Variants in NPM2 observed in about 807,000 individuals in gnomAD.
NPM2 encodes nucleoplasmin-2.
NPM2 carries 25 observed loss-of-function variants against 32.0 expected under a neutral mutation model. The ratio of observed to expected loss-of-function variants is 0.78; its 90% CI spans 0.57 to 1.09. The LOEUF (loss-of-function observed/expected upper bound fraction) is 1.09. NPM2 is among the 50% of genes least tolerant of loss of function. The pLI is 0.00. For synonymous variants in NPM2, 111 were observed against 94.2 expected (o/e 1.18, Z -1.04); for missense variants, 282 against 259.9 (o/e 1.08, Z -0.58).
At position 22,025,358 on chromosome 8, in the gene NPM2, C is replaced by T. The variant is rs770967313; in HGVS notation, c.58+52C>T. The T allele has an allele frequency of 3.7e-6, 6 of 1,600,232 alleles. No homozygotes were observed. The East Asian group carries it at 1.3e-4, about 36-fold the overall frequency. ...AGAGACACGCCCCACCTCCGGTGCGCGGCAGCTTGGGGCGCAGGTGAGCCC... is the reference window on the plus strand; with the variant it reads ...AGAGACACGCCCCACCTCCGGTGCGTGGCAGCTTGGGGCGCAGGTGAGCCC... On this transcript the variant is annotated intron_variant, in intron 3 of 9. Coordinates refer to ENST00000518119, the MANE Select transcript of NPM2 (RefSeq NM_001286680.2).
chr8:22,025,105 TC>T (rs1800190912), intron 2 of NPM2, 110 bp from the exon 3 acceptor site: 1 of 855,396 alleles, frequency 1.2e-6, no homozygotes, highest in African/African-American at 1.7e-5. Context: ...GCAGGTCCCC[TC>T]CAGCCGCGAG....
chr8:22,026,562 C>T (rs893863703), intron 5 of NPM2, among the ~76,000 whole-genome samples: 2 of 146,870 alleles, frequency 1.4e-5, no homozygotes, highest in African/African-American at 2.5e-5. Context: ...TCAAGCAATT[C>T]TAGTGCCTCA....
At chr8:22,026,653 C>T (rs1212826789) in intron 5 of NPM2, among the ~76,000 whole-genome samples, 2 of 152,090 alleles carry the variant, frequency 1.3e-5, no homozygotes, top group African/African-American at 4.8e-5. Context: ...CAGGGTTTCA[C>T]AATGTTGCCC....
Position 22,033,133 on chromosome 8 carries a change from T to C in NPM2, c.274T>C (p.Ser92Pro). 1 of 1,613,858 alleles carries C rather than the reference T, an allele frequency of 6.2e-7. No homozygotes were observed. The highest frequency in any genetic ancestry group is 8.5e-7 in the Non-Finnish European group (1 of 1,179,820). Residue 92 changes from serine to proline, a missense_variant, in exon 6 of 10, where the codon TCC becomes CCC. Physicochemically the swap from Ser to Pro is moderately conservative, Grantham distance 74 (BLOSUM62 -1). Coordinates refer to ENST00000518119, the MANE Select transcript of NPM2 (RefSeq NM_001286680.2). ...TCTCTGCTTCCTCCCCCTGCAGGTC[T>C]CCATGGTAGGAGTGCAGCTTTCTCC... ...SLQASVLPMV[S>P]MVGVQLSPPV...
At chr8:22,026,417 T>C (rs573376883) in intron 5 of NPM2, among the ~76,000 whole-genome samples, 1 of 151,984 alleles carries the variant, frequency 6.6e-6, no homozygotes, top group South Asian at 2.1e-4. Context: ...TTAAGTTTTC[T>C]ATGCATATAA....
intron 9 of NPM2, 49 bp from the exon 10 acceptor site, chr8:22,036,587 CCT>C (rs763436566): frequency 6.4e-7 from 1 of 1,560,130 alleles, no homozygotes; most frequent in Non-Finnish European, 8.7e-7. Context: ...GAGGGGGCTG[CCT>C]GGTATGGAGA....
chr8:22,036,618 G>A lies in NPM2; in HGVS notation c.601-20G>A. On this transcript the variant is annotated intron_variant, in intron 9 of 9. Coordinates refer to ENST00000518119, the MANE Select transcript of NPM2 (RefSeq NM_001286680.2). ...ATGGAGAAGGGAACGGGACCCTGGA[G>A]CCCTGCCTTCCCTCCACAGGCCAAA... is the stretch of plus-strand genomic sequence containing the variant. 6.4e-7 allele frequency: 1 copy of A among 1,552,426 alleles called. No individual in the cohort carries two copies. Among genetic ancestry groups the A allele is most frequent in the East Asian group, 2.4e-5 (1 of 40,968 alleles).
chr8:22,036,312 A>G (rs957531054), intron 8 of NPM2, 181 bp from the exon 9 acceptor site: 1 of 577,910 alleles, frequency 1.7e-6, no homozygotes, highest in African/African-American at 1.9e-5. Context: ...TAAGGAAAAC[A>G]CATATGCGTA....
At chr8:22,030,004 G>A (rs550065798) in intron 5 of NPM2, among the ~76,000 whole-genome samples, 22 of 152,192 alleles carry the variant, frequency 1.4e-4, no homozygotes, top group Admixed American at 7.2e-4. Context: ...ATCAATTCTG[G>A]AAAATTATTG....
chr8:22,034,638 A>G, intron 8 of NPM2, 94 bp downstream of exon 8: 1 of 1,047,668 alleles, frequency 9.5e-7, no homozygotes, highest in Non-Finnish European at 1.4e-6. Flanking sequence ...ACGTGTACAA[A>G]TGTACACACG....
chr8:22,030,719 G>A (rs560137429), intron 5 of NPM2, among the ~76,000 whole-genome samples: 46 of 151,374 alleles, frequency 3.0e-4, no homozygotes, highest in African/African-American at 1.1e-3. Flanking sequence ...TTGCTCTGTC[G>A]CCCAGTCTGG....
At chr8:22,035,585 A>C (rs1800592261) in intron 8 of NPM2, among the ~76,000 whole-genome samples, 1 of 152,196 alleles carries the variant, frequency 6.6e-6, no homozygotes, top group South Asian at 2.1e-4. Context: ...GAATATTGAT[A>C]GTTCATACAG....
intron 5 of NPM2, among the ~76,000 whole-genome samples, chr8:22,029,704 T>C (rs1182037009): frequency 1.3e-5 from 2 of 152,362 alleles, no homozygotes; most frequent in African/African-American, 4.8e-5. Flanking sequence ...TCTGGAAATA[T>C]CATGATTTTG....
chr8:22,033,262 C>A (rs113032397), intron 6 of NPM2, 39 bp downstream of exon 6: 1 of 1,506,840 alleles, frequency 6.6e-7, no homozygotes, highest in Non-Finnish European at 9.2e-7. Flanking sequence ...CCGTGAGTAC[C>A]GTGCTAGGCA....
chr8:22,036,765 T>G lies in NPM2; in HGVS notation c.*83T>G. 7.3e-7 allele frequency: 1 copy of G among 1,362,878 alleles called. No individual in the cohort carries two copies. Among genetic ancestry groups the G allele is most frequent in the Non-Finnish European group, 9.9e-7 (1 of 1,013,292 alleles). 84.4% of individuals were successfully genotyped at this position (1,362,878 alleles called of 1,614,324 possible). A position where few individuals can be genotyped will look rare whatever the true frequency, so the allele number is the denominator to read the frequency against. ...GCACAGGGTGCCCCTGTCCAGCCCC[T>G]CCACCTGTGTCTGAATGCAACAGGG... On this transcript the variant is annotated 3_prime_UTR_variant, in exon 10 of 10. Transcript: ENST00000518119.
At chr8:22,028,441 C>G (rs1322000264) in intron 5 of NPM2, among the ~76,000 whole-genome samples, 1 of 147,402 alleles carries the variant, frequency 6.8e-6, no homozygotes, top group Non-Finnish European at 1.5e-5. Context: ...ACCTCCACCT[C>G]CTTAGTAGCC....
chr8:22,036,446 T>C (rs1585525569), intron 8 of NPM2, 47 bp from the exon 9 acceptor site: 1 of 1,579,864 alleles, frequency 6.3e-7, no homozygotes, highest in Non-Finnish European at 8.6e-7. Flanking sequence ...AGCTGAGCTC[T>C]CTCCCTGACC....
At chr8:22,035,414 T>C (rs958830252) in intron 8 of NPM2, among the ~76,000 whole-genome samples, 4 of 152,044 alleles carry the variant, frequency 2.6e-5, no homozygotes, top group Non-Finnish European at 5.9e-5. Context: ...GCTAGGACTA[T>C]AGGCACGTGC....
intron 7 of NPM2, 21 bp from the exon 8 acceptor site, chr8:22,034,489 A>C: frequency 6.2e-7 from 1 of 1,606,440 alleles, no homozygotes; most frequent in Non-Finnish European, 8.5e-7. Context: ...CTCTCATAAT[A>C]CACTGTTTTT....
Sources: allele counts gnomAD v4.1 joint callset (sites outside exome capture counted in the v4.1 genomes callset), GRCh38; gene constraint gnomAD v4.1.1; transcripts MANE v1.5; gene names NCBI Gene and HGNC (gene_info 2026-07-23, HGNC 2026-07-21).